Variants in NCAM2 observed in about 807,000 individuals in gnomAD.
NCAM2 encodes N-CAM-2.
NCAM2 carries 30 observed loss-of-function variants against 98.1 expected under a neutral mutation model. That is an observed-to-expected ratio of 0.31 (90% CI 0.23 to 0.41). The LOEUF (loss-of-function observed/expected upper bound fraction) is 0.41. NCAM2 is among the 10% of genes least tolerant of loss of function. NCAM2 has a pLI of 1.00. For synonymous variants in NCAM2, 368 were observed against 342.4 expected, an observed-to-expected ratio of 1.07 and a Z score of -0.83; for missense variants, 867 against 1,005.8, an observed-to-expected ratio of 0.86 and a Z score of 1.87.
At chr21:21,257,444 G>A (rs1467218588) in intron 1 of NCAM2, among the ~76,000 whole-genome samples, 3 of 152,134 alleles carry the variant, frequency 2.0e-5, no homozygotes, top group East Asian at 1.9e-4. Context: ...ATTAGAGCAC[G>A]TTGTTTTATC....
chr21:21,328,743 TA>T (rs890972535), intron 6 of NCAM2, among the ~76,000 whole-genome samples: 2 of 152,012 alleles, frequency 1.3e-5, no homozygotes, highest in Non-Finnish European at 2.9e-5. Context: ...GTATATAAAG[TA>T]AAAAAAGCTA....
intron 1 of NCAM2, among the ~76,000 whole-genome samples, chr21:21,179,599 G>A (rs1032037049): frequency 5.3e-5 from 8 of 152,250 alleles, no homozygotes; most frequent in East Asian, 3.9e-4. Context: ...AGTCATCCTC[G>A]TAGTGTCAGC....
chr21:21,266,559 G>A (rs6518098), intron 1 of NCAM2, among the ~76,000 whole-genome samples: 120,996 of 152,060 alleles, frequency 0.8, 48,283 homozygotes, highest in South Asian at 0.85. Context: ...GGATGAGTGC[G>A]TGTCCTTTGT....
At chr21:21,268,317 A>G (rs1195982041) in intron 1 of NCAM2, among the ~76,000 whole-genome samples, 2 of 152,162 alleles carry the variant, frequency 1.3e-5, no homozygotes, top group East Asian at 1.9e-4. Context: ...ATTGTGCTGC[A>G]TGTTTGGGTT....
At chr21:21,239,528 A>G (rs1048814415) in intron 1 of NCAM2, 2 of 152,182 alleles carry the variant, frequency 1.3e-5, no homozygotes, top group African/African-American at 2.4e-5. Context: ...AAGGCTTTCT[A>G]TTGTTAAACA....
At chr21:21,270,564 T>G (rs939025658) in intron 1 of NCAM2, among the ~76,000 whole-genome samples, 3 of 152,222 alleles carry the variant, frequency 2.0e-5, no homozygotes, top group African/African-American at 7.2e-5. Flanking sequence ...CAATAATGTT[T>G]ACTTATGTTT....
At chr21:21,277,790 G>A (rs1289298599) in intron 1 of NCAM2, among the ~76,000 whole-genome samples, 1 of 152,080 alleles carries the variant, frequency 6.6e-6, no homozygotes, top group Non-Finnish European at 1.5e-5. Flanking sequence ...AAATACATTA[G>A]AGGGAAAAGA....
Position 21,359,096 on chromosome 21 carries a change from C to CTG in NCAM2, c.1045-14757_1045-14756dup, listed in dbSNP as rs550230858. Among the ~76,000 whole-genome samples, 119 of 152,032 alleles carry CTG rather than the reference C, an allele frequency of 7.8e-4. 1 individual carries two copies. The highest frequency in any genetic ancestry group is 1.8e-3 in the Admixed American group (28 of 15,262). ...TTCCTGGCACCTGTAGATTTTCACG[C>CTG]TGTGTGTGTGTTTTTCTTTTTTCTT... On this transcript the variant is annotated intron_variant, in intron 8 of 17. Transcript: ENST00000400546.
intron 1 of NCAM2, among the ~76,000 whole-genome samples, chr21:21,237,949 CTTTTTT>C (rs71195313): frequency 8.7e-6 from 1 of 114,488 alleles, no homozygotes; most frequent in Admixed American, 1.0e-4. Flanking sequence ...CATTGTAATT[CTTTTTT>C]TTTTTTTTTT....
chr21:21,038,493 C>A (rs1206792183), intron 1 of NCAM2, among the ~76,000 whole-genome samples: 1 of 152,032 alleles, frequency 6.6e-6, no homozygotes, highest in Non-Finnish European at 1.5e-5. Context: ...GGGGCAGTTA[C>A]CCTCATGCTG....
intron 5 of NCAM2, among the ~76,000 whole-genome samples, chr21:21,308,126 C>A (rs1284787026): frequency 1.3e-5 from 2 of 151,802 alleles, no homozygotes; most frequent in Admixed American, 6.6e-5. Flanking sequence ...CCAATTAGCT[C>A]ATATTCATAA....
chr21:21,216,989 A>G (rs1188865464), intron 1 of NCAM2, among the ~76,000 whole-genome samples: 1 of 152,222 alleles, frequency 6.6e-6, no homozygotes, highest in African/African-American at 2.4e-5. Context: ...TTTGGCAATC[A>G]TAAACTCCCC....
intron 12 of NCAM2, among the ~76,000 whole-genome samples, chr21:21,442,788 A>C (rs1979493219): frequency 6.6e-6 from 1 of 152,140 alleles, no homozygotes; most frequent in Admixed American, 6.6e-5. Flanking sequence ...ACTTTTCTAA[A>C]TTTATGGGGA....
At chr21:21,418,021 A>C (rs1371641115) in intron 10 of NCAM2, among the ~76,000 whole-genome samples, 1 of 152,062 alleles carries the variant, frequency 6.6e-6, no homozygotes, top group East Asian at 1.9e-4. Flanking sequence ...AACATAAAAA[A>C]CAGTTAACAA....
chr21:21,357,119 T>C (rs1400718620), intron 8 of NCAM2, among the ~76,000 whole-genome samples: 1 of 152,214 alleles, frequency 6.6e-6, no homozygotes, highest in Non-Finnish European at 1.5e-5. Context: ...TATACACTTT[T>C]GAAATATGCA....
chr21:21,416,740 T>C (rs2077002060), intron 10 of NCAM2, among the ~76,000 whole-genome samples: 1 of 152,158 alleles, frequency 6.6e-6, no homozygotes. Context: ...CGTTATATTA[T>C]CTTATATTTT....
chr21:21,491,427 C>G (rs233768), intron 15 of NCAM2, among the ~76,000 whole-genome samples: 7,850 of 151,690 alleles, frequency 0.052, 687 homozygotes, highest in African/African-American at 0.18. Flanking sequence ...TTGTTTTGGG[C>G]ACCAAATGAA....
At chr21:21,438,557 A>G (rs1005647511) in intron 12 of NCAM2, among the ~76,000 whole-genome samples, 3 of 152,130 alleles carry the variant, frequency 2.0e-5, no homozygotes, top group African/African-American at 7.2e-5. Context: ...CGAACTATAG[A>G]GATATAGAAT....
In NCAM2 at chr21:21,394,469, C is replaced by CTTTTTTTTTTTTTTTTTTTTTTTTTTT. The variant is rs532068473; in HGVS notation, c.1196-15794_1196-15768dup. Among the ~76,000 whole-genome samples the CTTTTTTTTTTTTTTTTTTTTTTTTTTT allele has an allele frequency of 1.0e-4, 6 of 57,672 alleles. 1 individual carries two copies. The highest frequency in any genetic ancestry group is 1.6e-4 in the African/African-American group (2 of 12,602). The allele number at this position is 57,672 out of a possible 152,430, so 37.8% of individuals were successfully genotyped here. A position where few individuals can be genotyped will look rare whatever the true frequency, so the allele number is the denominator to read the frequency against. On this transcript the variant is annotated intron_variant, in intron 9 of 17. Transcript: ENST00000400546. Reference sequence around the variant, plus strand: ...GACCTTAGTTAATTTAAGGGGCCAGCTTTTTTTTTTTTTTTTTTTTTTTTT... The same window carrying CTTTTTTTTTTTTTTTTTTTTTTTTTTT: ...GACCTTAGTTAATTTAAGGGGCCAGCTTTTTTTTTTTTTTTTTTTTTTTTTTTTTTTTTTTTTTTTTTTTTTTTTTTT...
Sources: allele counts gnomAD v4.1 joint callset (sites outside exome capture counted in the v4.1 genomes callset), GRCh38; gene constraint gnomAD v4.1.1; transcripts MANE v1.5; gene names NCBI Gene and HGNC (gene_info 2026-07-23, HGNC 2026-07-21).